Variants in FAT3 observed in about 807,000 individuals in gnomAD.
FAT3 encodes the protein FAT atypical cadherin 3, also known as protocadherin Fat 3.
A neutral mutation model predicts 310.2 loss-of-function variants in FAT3; 95 were observed. The observed-to-expected ratio is 0.31, with a 90% CI of 0.26 to 0.36. The LOEUF (loss-of-function observed/expected upper bound fraction) is 0.36. FAT3 is among the 10% of genes least tolerant of loss of function. FAT3 has a pLI of 1.00. For missense variants in FAT3, 5,408 were observed against 5,715.6 expected (o/e 0.95, Z 1.74); for synonymous variants, 2,314 against 2,192.9 (o/e 1.06, Z -1.54).
intron 2 of FAT3, among the ~76,000 whole-genome samples, chr11:92,435,164 G>A (rs1950896555): frequency 6.6e-6 from 1 of 152,186 alleles, no homozygotes; most frequent in Non-Finnish European, 1.5e-5. Context: ...TGTGCAGCCT[G>A]TGTTCCATGG....
At chr11:92,327,048 T>C (rs1947786223) in intron 1 of FAT3, among the ~76,000 whole-genome samples, 1 of 152,156 alleles carries the variant, frequency 6.6e-6, no homozygotes, top group Non-Finnish European at 1.5e-5. Context: ...TTTTAAGATA[T>C]TCTGTATGCA....
intron 7 of FAT3, among the ~76,000 whole-genome samples, chr11:92,786,237 A>G (rs1200409005): frequency 1.3e-5 from 2 of 152,230 alleles, no homozygotes; most frequent in African/African-American, 4.8e-5. Context: ...ATAACCTGAA[A>G]GCTCAAAAAA....
chr11:92,708,894 A>G (rs1258934242), intron 4 of FAT3, among the ~76,000 whole-genome samples: 1 of 152,208 alleles, frequency 6.6e-6, no homozygotes, highest in Non-Finnish European at 1.5e-5. Context: ...TTATTCTCCT[A>G]AGACAGGCTA....
At chr11:92,768,481 A>C (rs1220750794) in intron 6 of FAT3, among the ~76,000 whole-genome samples, 1 of 152,188 alleles carries the variant, frequency 6.6e-6, no homozygotes, top group African/African-American at 2.4e-5. Context: ...CTAATCCATC[A>C]GAGTCATTTT....
chr11:92,693,266 A>T (rs1009742615), intron 3 of FAT3, among the ~76,000 whole-genome samples: 6 of 152,108 alleles, frequency 3.9e-5, no homozygotes, highest in South Asian at 4.1e-4. Flanking sequence ...ATATCTCCAA[A>T]CCACATTCAA....
At chr11:92,713,548 G>C (rs1022553047) in intron 4 of FAT3, among the ~76,000 whole-genome samples, 2 of 152,038 alleles carry the variant, frequency 1.3e-5, no homozygotes, top group South Asian at 4.2e-4. Flanking sequence ...CATGCATATT[G>C]GTTCTTACAT....
At chr11:92,791,533 G>T (rs1214024562) in intron 8 of FAT3, among the ~76,000 whole-genome samples, 1 of 152,188 alleles carries the variant, frequency 6.6e-6, no homozygotes, top group Non-Finnish European at 1.5e-5. Flanking sequence ...TCAGAAATCA[G>T]TTTGGTCACC....
intron 1 of FAT3, among the ~76,000 whole-genome samples, chr11:92,343,109 T>C (rs2134591175): frequency 6.6e-6 from 1 of 152,308 alleles, no homozygotes; most frequent in Admixed American, 6.5e-5. Flanking sequence ...ACACTGCCGC[T>C]GTGTGGCTGA....
At chr11:92,606,073 CAG>C (rs960634624) in intron 3 of FAT3, among the ~76,000 whole-genome samples, 4 of 152,118 alleles carry the variant, frequency 2.6e-5, no homozygotes, top group African/African-American at 9.7e-5. Context: ...CATCATTAGA[CAG>C]AGTGTCAACA....
At chr11:92,269,097 A>G (rs938182255) in intron 1 of FAT3, among the ~76,000 whole-genome samples, 2 of 152,160 alleles carry the variant, frequency 1.3e-5, no homozygotes, top group African/African-American at 4.8e-5. Context: ...TCACAACACT[A>G]TTTATTGAAT....
At chr11:92,814,525 T>A (rs1416030430) in intron 13 of FAT3, among the ~76,000 whole-genome samples, 4 of 152,186 alleles carry the variant, frequency 2.6e-5, no homozygotes, top group Admixed American at 1.3e-4. Flanking sequence ...TTCTTAGTTT[T>A]CCTGTCAATT....
chr11:92,859,254 C>A lies in FAT3; in HGVS notation c.11590C>A (p.Arg3864Ser). 1.2e-6 allele frequency: 2 copies of A among 1,613,680 alleles called. No homozygotes were observed. The highest frequency in any genetic ancestry group is 1.7e-5 in the Admixed American group (1 of 59,998). ...AGAAGAGGATTTCAAACTAGCTCTGCGTCTTCGAACACTGCAAAGCAATGG... is the reference window on the plus strand; with the variant it reads ...AGAAGAGGATTTCAAACTAGCTCTGAGTCTTCGAACACTGCAAAGCAATGG... The part of the protein sequence containing the change: ...SKEEDFKLAL[R>S]LRTLQSNGII... Residue 3864 changes from arginine to serine, a missense_variant, in exon 21 of 28, where the codon CGT (arginine) becomes AGT (serine). By Grantham distance (110) the Arg-to-Ser change is moderately radical. Around this residue, in one of 5 missense-constraint regions of FAT3, gnomAD observed 4,588 missense variants for 4,809.8 expected, o/e 0.95. Coordinates refer to ENST00000525166, the MANE Select transcript of FAT3 (RefSeq NM_001367949.2).
At chr11:92,460,902 A>T (rs1183893974) in intron 2 of FAT3, among the ~76,000 whole-genome samples, 1 of 152,216 alleles carries the variant, frequency 6.6e-6, no homozygotes, top group African/African-American at 2.4e-5. Context: ...TCACCACTGC[A>T]CTACAGACAT....
intron 13 of FAT3, among the ~76,000 whole-genome samples, chr11:92,820,429 A>T (rs1227690664): frequency 6.6e-6 from 1 of 152,124 alleles, no homozygotes; most frequent in African/African-American, 2.4e-5. Context: ...CTTATCTCCA[A>T]AGCAGTCTCA....
intron 19 of FAT3, among the ~76,000 whole-genome samples, chr11:92,847,759 G>C (rs1374742653): frequency 6.6e-6 from 1 of 152,176 alleles, no homozygotes; most frequent in African/African-American, 2.4e-5. Context: ...GCAGGAGCAG[G>C]CTCTTTGTTT....
At chr11:92,238,132 C>T (rs1006206219) in intron 1 of FAT3, among the ~76,000 whole-genome samples, 12 of 152,090 alleles carry the variant, frequency 7.9e-5, no homozygotes, top group South Asian at 4.2e-4. Context: ...TAGCAGCCCC[C>T]ATACTGGGAA....
chr11:92,614,107 A>G (rs1565457980), intron 3 of FAT3, among the ~76,000 whole-genome samples: 1 of 152,150 alleles, frequency 6.6e-6, no homozygotes, highest in Non-Finnish European at 1.5e-5. Context: ...ATAATATTCC[A>G]TGGTATAGAT....
chr11:92,366,853 G>T, intron 2 of FAT3: 1 of 534,962 alleles, frequency 1.9e-6, no homozygotes. Flanking sequence ...TGATGTTGCT[G>T]TAGAAAGGAT....
At chr11:92,887,253 GT>G in intron 25 of FAT3, 140 bp downstream of exon 25, 1 of 708,424 alleles carries the variant, frequency 1.4e-6, no homozygotes, top group Non-Finnish European at 2.3e-6. Flanking sequence ...CAGGTCCCTG[GT>G]TTACTCCATT....
Sources: allele counts gnomAD v4.1 joint callset (sites outside exome capture counted in the v4.1 genomes callset), GRCh38; gene constraint gnomAD v4.1.1; regional missense constraint gnomAD v4.1.1; transcripts MANE v1.5; gene names NCBI Gene and HGNC (gene_info 2026-07-23, HGNC 2026-07-21).